Variants in SLAMF9 observed in about 807,000 individuals in gnomAD.
SLAMF9 encodes the protein CD2 family member 10.
Under a neutral mutation model 30.4 loss-of-function variants are expected in SLAMF9, and 25 were observed. That is an observed-to-expected ratio of 0.82 (90% CI 0.60 to 1.15). SLAMF9 has a LOEUF of 1.15. Among genes scored for constraint, SLAMF9 ranks in the 50% most tolerant of loss-of-function variants. The probability of loss-of-function intolerance (pLI) is 0.00; values close to 1 mark genes in which losing one functional copy is unlikely to be tolerated. For synonymous variants in SLAMF9, 129 were observed against 127.2 expected (o/e 1.01, Z -0.09); for missense variants, 344 against 346.1 (o/e 0.99, Z 0.05).
At chr1:159,973,705 G>T in the SLAMF9 span, 7 of 1,213,006 alleles carry the variant, frequency 5.8e-6, no homozygotes, top group African/African-American at 3.0e-5. Flanking sequence ...GGCAGCCAGA[G>T]ACAGGGGTCC....
At chr1:159,956,572 G>A (rs1203388583), upstream of SLAMF9, among the ~76,000 whole-genome samples, 1 of 152,138 alleles carries the variant, frequency 6.6e-6, no homozygotes, top group East Asian at 1.9e-4. Flanking sequence ...GGCCCACTGA[G>A]TGCAAAGCCA....
chr1:159,953,509 A>G lies in SLAMF9; in HGVS notation c.191T>C (p.Val64Ala). 6.2e-7 allele frequency: 1 copy of G among 1,614,212 alleles called. No homozygotes were observed. Among genetic ancestry groups the G allele is most frequent in the South Asian group, 1.1e-5 (1 of 91,088 alleles). Residue 64 changes from valine to alanine, a missense_variant, in exon 2 of 4, where the codon GTG becomes GCG. Physicochemically the swap from Val to Ala is moderately conservative, Grantham distance 64 (BLOSUM62 0). Coordinates refer to ENST00000368093, the MANE Select transcript of SLAMF9 (RefSeq NM_033438.4). ...IWSSHKSLAT[V>A]VPGKEGHPAT... ...TGGATGTCCCTCTTTCCCTGGCACC[A>G]CAGTGGCAAGACTTTTGTGAGAGGA...
At chr1:159,958,740 C>T (rs1651982012), upstream of SLAMF9, among the ~76,000 whole-genome samples, 1 of 152,302 alleles carries the variant, frequency 6.6e-6, no homozygotes, top group Middle Eastern at 3.4e-3. Context: ...GCTGGGATTA[C>T]AAGTGTGAGC....
the SLAMF9 span, among the ~76,000 whole-genome samples, chr1:159,981,144 A>G: frequency 6.6e-6 from 1 of 152,118 alleles, no homozygotes; most frequent in Non-Finnish European, 1.5e-5. Flanking sequence ...AGAGTAATCA[A>G]TTTAAAATAA....
chr1:159,965,209 C>T, the SLAMF9 span, among the ~76,000 whole-genome samples: 1 of 152,182 alleles, frequency 6.6e-6, no homozygotes, highest in African/African-American at 2.4e-5. Context: ...TGGGGGAAAG[C>T]AATACACAAC....
intron 1 of SLAMF9, 148 bp from the exon 2 acceptor site, chr1:159,953,801 A>G: frequency 3.9e-6 from 3 of 777,742 alleles, no homozygotes; most frequent in Non-Finnish European, 6.0e-6. Context: ...GCTGCTTCTG[A>G]CTCTAGATTT....
the SLAMF9 span, among the ~76,000 whole-genome samples, chr1:159,974,379 G>A: frequency 2.7e-4 from 41 of 151,866 alleles, no homozygotes; most frequent in East Asian, 2.5e-3. Flanking sequence ...GACATATTTG[G>A]TTCCAGCTAG....
At chr1:159,981,114 T>C in the SLAMF9 span, among the ~76,000 whole-genome samples, 18 of 152,248 alleles carry the variant, frequency 1.2e-4, no homozygotes, top group African/African-American at 3.6e-4. Flanking sequence ...GTGATTGTAT[T>C]TGGAGACAGG....
the SLAMF9 span, among the ~76,000 whole-genome samples, chr1:159,963,628 A>G: frequency 1.3e-5 from 2 of 152,142 alleles, no homozygotes; most frequent in African/African-American, 4.8e-5. Flanking sequence ...CTTAAGTACA[A>G]TGTGTCTGCC....
the SLAMF9 span, chr1:159,983,578 GT>G: frequency 6.6e-6 from 1 of 152,338 alleles, no homozygotes; most frequent in South Asian, 2.1e-4. Context: ...CAACTAAGAA[GT>G]TTTAATGAAT....
chr1:159,978,538 A>G, the SLAMF9 span: 6 of 152,314 alleles, frequency 3.9e-5, no homozygotes, highest in African/African-American at 1.2e-4. Flanking sequence ...CATAAACTGT[A>G]TCTTATAAGA....
chr1:159,966,736 T>C, the SLAMF9 span, among the ~76,000 whole-genome samples: 1 of 152,220 alleles, frequency 6.6e-6, no homozygotes, highest in African/African-American at 2.4e-5. Flanking sequence ...CATTTTTTAA[T>C]GAACCTGTTA....
At chr1:159,973,257 C>T in the SLAMF9 span, 2 of 849,712 alleles carry the variant, frequency 2.4e-6, no homozygotes, top group Non-Finnish European at 3.9e-6. Context: ...GGGGGCGACA[C>T]TCAGTACAGG....
At chr1:159,965,126 G>C in the SLAMF9 span, among the ~76,000 whole-genome samples, 23,375 of 152,226 alleles carry the variant, frequency 0.15, 1,861 homozygotes, top group Middle Eastern at 0.25. Flanking sequence ...TTAAATGCCA[G>C]GCACTGTTCT....
At chr1:159,980,977 C>T in the SLAMF9 span, among the ~76,000 whole-genome samples, 1 of 152,236 alleles carries the variant, frequency 6.6e-6, no homozygotes, top group Non-Finnish European at 1.5e-5. Flanking sequence ...CCTGCATACA[C>T]TAAGGGACCA....
chr1:159,962,219 C>G, the SLAMF9 span, among the ~76,000 whole-genome samples: 4 of 151,216 alleles, frequency 2.6e-5, no homozygotes, highest in Non-Finnish European at 5.9e-5. Flanking sequence ...AAAGGGAAAA[C>G]ATGGGGTAGA....
chr1:159,980,788 G>C, the SLAMF9 span, among the ~76,000 whole-genome samples: 19 of 152,262 alleles, frequency 1.2e-4, no homozygotes, highest in African/African-American at 4.6e-4. Flanking sequence ...TGATCCACCC[G>C]CCTCAGCCTT....
At chr1:159,954,733 C>A (rs1227989384), upstream of SLAMF9, among the ~76,000 whole-genome samples, 1 of 152,070 alleles carries the variant, frequency 6.6e-6, no homozygotes, top group East Asian at 1.9e-4. Flanking sequence ...TAGTTATGTT[C>A]CCACCTGAGA....
At chr1:159,954,357 G>A, upstream of SLAMF9, 3 of 420,618 alleles carry the variant, frequency 7.1e-6, no homozygotes, top group Non-Finnish European at 1.3e-5. Flanking sequence ...GATCCTGATT[G>A]TCATGACAGT....
Sources: gnomAD v4.1 joint callset for allele counts (sites outside exome capture counted in the v4.1 genomes callset) on GRCh38, gnomAD v4.1.1 for gene constraint, MANE v1.5 for transcripts, NCBI Gene and HGNC (gene_info 2026-07-23, HGNC 2026-07-21) for gene names.